NRXN3: variants seen among roughly 807,000 people sequenced by gnomAD.
NRXN3 encodes neurexin III.
A neutral mutation model predicts 137.6 loss-of-function variants in NRXN3; 32 were observed. The observed-to-expected ratio is 0.23, with a 90% CI of 0.18 to 0.31. NRXN3 has a LOEUF of 0.31. Among genes scored for constraint, NRXN3 ranks in the 10% least tolerant of loss-of-function variants. The probability of loss-of-function intolerance (pLI) is 1.00; values close to 1 mark genes in which losing one functional copy is unlikely to be tolerated. For missense variants in NRXN3, 1,574 were observed against 2,062.5 expected (o/e 0.76, Z 4.59); for synonymous variants, 798 against 784.5 (o/e 1.02, Z -0.29).
At chr14:79,015,580 CAAAGT>C (rs1187382088) in intron 15 of NRXN3, among the ~76,000 whole-genome samples, 8 of 152,100 alleles carry the variant, frequency 5.3e-5, no homozygotes, top group African/African-American at 1.9e-4. Context: ...ACTCCCAACC[CAAAGT>C]AAAGAGAGCA....
At chr14:79,785,761 T>A (rs1240971726) in intron 19 of NRXN3, among the ~76,000 whole-genome samples, 1 of 152,188 alleles carries the variant, frequency 6.6e-6, no homozygotes, top group Non-Finnish European at 1.5e-5. Flanking sequence ...TGGTGAGTCA[T>A]CAACCTTGGC....
At chr14:79,164,851 G>A (rs1317187757) in intron 15 of NRXN3, among the ~76,000 whole-genome samples, 1 of 151,864 alleles carries the variant, frequency 6.6e-6, no homozygotes, top group African/African-American at 2.4e-5. Flanking sequence ...TCTAGACAAG[G>A]CCACATGCAT....
At chr14:78,226,403 CT>C (rs2064676378) in intron 1 of NRXN3, among the ~76,000 whole-genome samples, 1 of 152,154 alleles carries the variant, frequency 6.6e-6, no homozygotes, top group South Asian at 2.1e-4. Context: ...CTCTTGTCAC[CT>C]TCACCTTTCT....
At chr14:78,312,202 C>G (rs1186673883) in intron 4 of NRXN3, among the ~76,000 whole-genome samples, 1 of 152,154 alleles carries the variant, frequency 6.6e-6, no homozygotes, top group Non-Finnish European at 1.5e-5. Context: ...AAAAGGTTAT[C>G]TCTTAAATTA....
chr14:78,634,373 A>G (rs1021232549), intron 4 of NRXN3, among the ~76,000 whole-genome samples: 3 of 152,210 alleles, frequency 2.0e-5, no homozygotes, highest in Admixed American at 1.3e-4. Context: ...TCTTTACTTA[A>G]CAAATTCTGG....
intron 8 of NRXN3, among the ~76,000 whole-genome samples, chr14:78,747,851 G>A (rs975714236): frequency 6.6e-6 from 1 of 152,092 alleles, no homozygotes; most frequent in East Asian, 1.9e-4. Flanking sequence ...ATCCATTTCT[G>A]TCTCTTCTCC....
At chr14:79,826,615 T>C (rs1256465780) in intron 20 of NRXN3, among the ~76,000 whole-genome samples, 1 of 152,192 alleles carries the variant, frequency 6.6e-6, no homozygotes, top group East Asian at 1.9e-4. Flanking sequence ...AGTACAGTGA[T>C]CAAAATCAGT....
intron 16 of NRXN3, among the ~76,000 whole-genome samples, chr14:79,515,948 G>A (rs1293338540): frequency 6.6e-6 from 1 of 152,114 alleles, no homozygotes; most frequent in Non-Finnish European, 1.5e-5. Context: ...GCACGCATTT[G>A]GGCTAAAGGA....
At chr14:79,763,394 G>T (rs1426652871) in intron 19 of NRXN3, among the ~76,000 whole-genome samples, 13 of 151,594 alleles carry the variant, frequency 8.6e-5, no homozygotes, top group Non-Finnish European at 1.6e-4. Flanking sequence ...CTTTATAGTA[G>T]AATGATTTAT....
At chr14:78,188,368 G>A (rs948856509) in intron 1 of NRXN3, among the ~76,000 whole-genome samples, 1 of 152,192 alleles carries the variant, frequency 6.6e-6, no homozygotes, top group Non-Finnish European at 1.5e-5. Flanking sequence ...GCGCAGATGT[G>A]ATTCCAGGGA....
chr14:78,851,567 G>A (rs1174917377), intron 10 of NRXN3, among the ~76,000 whole-genome samples: 1 of 152,176 alleles, frequency 6.6e-6, no homozygotes, highest in Non-Finnish European at 1.5e-5. Flanking sequence ...TCAGCAAGAA[G>A]GAGCAAAGCA....
intron 4 of NRXN3, among the ~76,000 whole-genome samples, chr14:78,394,381 G>C (rs1267323645): frequency 6.6e-6 from 1 of 151,768 alleles, no homozygotes; most frequent in African/African-American, 2.4e-5. Flanking sequence ...TACATTGATA[G>C]GTTTTTGAAT....
chr14:78,754,344 C>T (rs1413944596), intron 8 of NRXN3, among the ~76,000 whole-genome samples: 2 of 152,146 alleles, frequency 1.3e-5, no homozygotes, highest in African/African-American at 4.8e-5. Context: ...GTCCTGGGTA[C>T]TCCCCACCCC....
chr14:79,844,421 A>G (rs1427481851), intron 20 of NRXN3, among the ~76,000 whole-genome samples: 1 of 151,510 alleles, frequency 6.6e-6, no homozygotes, highest in Non-Finnish European at 1.5e-5. Context: ...TATCTATGGC[A>G]GCTATTGCCT....
chr14:79,005,566 G>A (rs75291555), intron 15 of NRXN3, among the ~76,000 whole-genome samples: 3,356 of 152,178 alleles, frequency 0.022, 102 homozygotes, highest in African/African-American at 0.061. Flanking sequence ...AAGACATTTT[G>A]GGACTTTTCT....
At chr14:79,303,198 C>T (rs547434433) in intron 15 of NRXN3, among the ~76,000 whole-genome samples, 64 of 152,078 alleles carry the variant, frequency 4.2e-4, no homozygotes, top group South Asian at 1.0e-3. Context: ...AGTATAAAGA[C>T]GCATTTAGGA....
chr14:79,450,010 A>G (rs1023373259), intron 15 of NRXN3, among the ~76,000 whole-genome samples: 1 of 151,306 alleles, frequency 6.6e-6, no homozygotes, highest in Non-Finnish European at 1.5e-5. Flanking sequence ...AAAAAAAAAA[A>G]AAAAGATATA....
chr14:79,654,943 T>G (rs747424484), intron 16 of NRXN3, among the ~76,000 whole-genome samples: 2 of 152,212 alleles, frequency 1.3e-5, no homozygotes, highest in Non-Finnish European at 2.9e-5. Flanking sequence ...AAAAGTTTCC[T>G]CACAACCACA....
intron 15 of NRXN3, among the ~76,000 whole-genome samples, chr14:79,276,342 A>G (rs902726105): frequency 3.9e-5 from 6 of 152,174 alleles, no homozygotes; most frequent in African/African-American, 1.4e-4. Context: ...GGAGAGGGAC[A>G]TTCATTTTAT....
Sources: gnomAD v4.1 joint callset for allele counts (sites outside exome capture counted in the v4.1 genomes callset) on GRCh38, gnomAD v4.1.1 for gene constraint, MANE v1.5 for transcripts, NCBI Gene and HGNC (gene_info 2026-07-23, HGNC 2026-07-21) for gene names.